NKAIN2: variants seen among roughly 807,000 people sequenced by gnomAD.
NKAIN2 encodes sodium/potassium-transporting ATPase subunit beta-1-interacting protein 2.
Under a neutral mutation model 32.6 loss-of-function variants are expected in NKAIN2, and 14 were observed. The ratio of observed to expected loss-of-function variants is 0.43; its 90% CI spans 0.28 to 0.67. NKAIN2 has a LOEUF of 0.67. Among genes scored for constraint, NKAIN2 ranks in the 30% least tolerant of loss-of-function variants. NKAIN2 has a pLI of 0.17. For missense variants in NKAIN2, 198 were observed against 258.3 expected, an observed-to-expected ratio of 0.77 and a Z score of 1.60; for synonymous variants, 80 against 87.2, an observed-to-expected ratio of 0.92 and a Z score of 0.46.
At chr6:123,933,148 GA>G (rs963394017) in intron 1 of NKAIN2, among the ~76,000 whole-genome samples, 1 of 152,104 alleles carries the variant, frequency 6.6e-6, no homozygotes, top group Admixed American at 6.6e-5. Context: ...TTCAAAAGCA[GA>G]AAAAAGTATC....
chr6:124,783,603 G>T (rs1779370569), intron 4 of NKAIN2, among the ~76,000 whole-genome samples: 1 of 152,114 alleles, frequency 6.6e-6, no homozygotes, highest in Non-Finnish European at 1.5e-5. Context: ...TTTGCAGTGT[G>T]TTCCACAATA....
intron 2 of NKAIN2, among the ~76,000 whole-genome samples, chr6:124,344,582 C>T (rs981517716): frequency 6.6e-6 from 1 of 151,788 alleles, no homozygotes; most frequent in Admixed American, 6.6e-5. Context: ...GTATTTTATT[C>T]TCTTTGAAGC....
chr6:124,139,411 A>G (rs900025154), intron 1 of NKAIN2, among the ~76,000 whole-genome samples: 3 of 152,230 alleles, frequency 2.0e-5, no homozygotes, highest in Non-Finnish European at 4.4e-5. Context: ...TAAGTAAAGT[A>G]AGATAAAATA....
chr6:124,249,697 G>A (rs189607951), intron 1 of NKAIN2, among the ~76,000 whole-genome samples: 1 of 152,184 alleles, frequency 6.6e-6, no homozygotes, highest in Admixed American at 6.6e-5. Flanking sequence ...TGGGAGTTTA[G>A]TGGACACCCA....
chr6:123,891,000 GCCATTTAACCCT>G (rs995600322), intron 1 of NKAIN2, among the ~76,000 whole-genome samples: 2 of 152,084 alleles, frequency 1.3e-5, no homozygotes, highest in Admixed American at 1.3e-4. Context: ...ACAATGGGAT[GCCATTTAACCCT>G]AAAAAGGAAT....
At chr6:124,208,764 A>T (rs1791023477) in intron 1 of NKAIN2, among the ~76,000 whole-genome samples, 1 of 92,270 alleles carries the variant, frequency 1.1e-5, no homozygotes, top group African/African-American at 2.9e-5. Flanking sequence ...GCATGCAGAA[A>T]AATATTTATT....
intron 3 of NKAIN2, among the ~76,000 whole-genome samples, chr6:124,383,925 AG>A (rs1238345972): frequency 6.6e-6 from 1 of 152,170 alleles, no homozygotes; most frequent in Non-Finnish European, 1.5e-5. Context: ...TCTGACTCTC[AG>A]TCTCTCCATT....
At chr6:124,103,513 T>G (rs1784983759) in intron 1 of NKAIN2, among the ~76,000 whole-genome samples, 1 of 152,120 alleles carries the variant, frequency 6.6e-6, no homozygotes, top group Non-Finnish European at 1.5e-5. Context: ...AACTATCTGG[T>G]GAGTGTGATT....
chr6:124,595,662 T>C (rs1782057400), intron 3 of NKAIN2, among the ~76,000 whole-genome samples: 1 of 44,258 alleles, frequency 2.3e-5, no homozygotes. Flanking sequence ...GGCAAAGGGA[T>C]GGGAAATTAA....
chr6:124,281,300 T>C (rs560408148), intron 1 of NKAIN2, among the ~76,000 whole-genome samples: 2 of 152,224 alleles, frequency 1.3e-5, no homozygotes, highest in African/African-American at 2.4e-5. Flanking sequence ...TTAGCAATCA[T>C]GTTCTCAGAA....
intron 3 of NKAIN2, among the ~76,000 whole-genome samples, chr6:124,510,776 T>C (rs1293045632): frequency 6.6e-6 from 1 of 152,198 alleles, no homozygotes; most frequent in Non-Finnish European, 1.5e-5. Flanking sequence ...ATCTGGCTAC[T>C]CAGAAAATGC....
At chr6:123,828,425 T>C (rs1774240020) in intron 1 of NKAIN2, among the ~76,000 whole-genome samples, 1 of 152,184 alleles carries the variant, frequency 6.6e-6, no homozygotes, top group African/African-American at 2.4e-5. Context: ...AAGTTACCAA[T>C]AGCTCATAAG....
intron 1 of NKAIN2, among the ~76,000 whole-genome samples, chr6:124,021,649 G>A (rs1281562498): frequency 1.3e-5 from 2 of 151,648 alleles, no homozygotes; most frequent in Non-Finnish European, 2.9e-5. Context: ...AAAAGGAAAA[G>A]GCAATTTAAA....
intron 1 of NKAIN2, among the ~76,000 whole-genome samples, chr6:123,878,996 A>ATT (rs1463238256): frequency 1.3e-5 from 2 of 152,206 alleles, no homozygotes; most frequent in Admixed American, 6.5e-5. Flanking sequence ...AATACTGAAA[A>ATT]TGAGTGGCTT....
At position 124,013,703 on chromosome 6, in the gene NKAIN2, A is replaced by G. The variant is rs945128668; in HGVS notation, c.54+209449A>G. ...GCAGATATGATCAGGGTTGTTAAAC[A>G]TGAGGGGGAAAGATTATCCAGGTGG... On this transcript the variant is annotated intron_variant, in intron 1 of 6. Transcript: ENST00000368417. Among the ~76,000 whole-genome samples, 9 of 152,314 alleles carry G rather than the reference A, an allele frequency of 5.9e-5. No individual in the cohort carries two copies. In the South Asian group the frequency reaches 1.7e-3, roughly 28 times the overall value.
chr6:124,506,698 G>A (rs1778497396), intron 3 of NKAIN2, among the ~76,000 whole-genome samples: 1 of 151,830 alleles, frequency 6.6e-6, no homozygotes, highest in African/African-American at 2.4e-5. Context: ...ACTGGTATCA[G>A]ATTTTCACTT....
intron 1 of NKAIN2, among the ~76,000 whole-genome samples, chr6:123,824,835 C>T (rs1349335203): frequency 6.6e-6 from 1 of 151,966 alleles, no homozygotes; most frequent in Non-Finnish European, 1.5e-5. Flanking sequence ...AGGGAGGACA[C>T]CAGGCAACCT....
At chr6:124,438,558 A>G (rs561811422) in intron 3 of NKAIN2, among the ~76,000 whole-genome samples, 25 of 152,304 alleles carry the variant, frequency 1.6e-4, no homozygotes, top group African/African-American at 4.6e-4. Context: ...ACAAAAACTC[A>G]GGGCTTACTA....
chr6:124,720,246 G>A (rs1653896429), intron 4 of NKAIN2, among the ~76,000 whole-genome samples: 1 of 152,174 alleles, frequency 6.6e-6, no homozygotes, highest in Admixed American at 6.5e-5. Context: ...GGAAGAGAGT[G>A]TAGACTTCTT....
Sources: allele counts gnomAD v4.1 joint callset (sites outside exome capture counted in the v4.1 genomes callset), GRCh38; gene constraint gnomAD v4.1.1; transcripts MANE v1.5; gene names NCBI Gene and HGNC (gene_info 2026-07-23, HGNC 2026-07-21).